Variants in GNAT3 observed in about 807,000 individuals in gnomAD.
GNAT3 encodes the protein G protein subunit alpha transducin 3, also known as guanine nucleotide-binding protein G(t) subunit alpha-3.
In GNAT3, 31 loss-of-function variants were observed where a neutral mutation model predicts 37.7. The ratio of observed to expected loss-of-function variants is 0.82; its 90% CI spans 0.62 to 1.11. GNAT3 has a LOEUF of 1.11. GNAT3 is among the 50% of genes most tolerant of loss of function. The pLI is 0.00. For missense variants in GNAT3, 437 were observed against 412.5 expected (o/e 1.06, Z -0.51); for synonymous variants, 138 against 139.8 (o/e 0.99, Z 0.09).
At chr7:80,459,756 C>T (rs1034148741) in intron 7 of GNAT3, among the ~76,000 whole-genome samples, 1 of 152,162 alleles carries the variant, frequency 6.6e-6, no homozygotes, top group African/African-American at 2.4e-5. Context: ...TTGTTTCCTA[C>T]TTTATTGTAA....
rs556031517 is a variant in GNAT3 at position 80,511,894 on chromosome 7, C to T, written c.33G>A (p.Glu11=). MGSGISSESK[E]SAKRSKELEK... The stretch of plus-strand genomic sequence containing the variant: ...CCAGTTCTTTTGATCTTTTGGCTGA[C>T]TCCTTGCTCTCTGAACTAATTCCAC... Residue 11 remains glutamate (E), a synonymous_variant, in exon 1 of 8, where the codon GAG becomes GAA. Coordinates refer to ENST00000398291, the MANE Select transcript of GNAT3 (RefSeq NM_001102386.3). 7 of 1,611,754 alleles carry T rather than the reference C, an allele frequency of 4.3e-6. No homozygotes were observed. Among genetic ancestry groups the T allele is most frequent in the East Asian group, 4.5e-5 (2 of 44,830 alleles).
In GNAT3 at chr7:80,487,196, A is replaced by G. The variant is rs149673086; in HGVS notation, c.303+1339T>C. Among the ~76,000 whole-genome samples, 471 of 152,244 alleles carry G rather than the reference A, an allele frequency of 3.1e-3. 2 individuals carry two copies. The highest frequency in any genetic ancestry group is 0.011 in the African/African-American group (448 of 41,550). On this transcript the variant is annotated intron_variant, in intron 3 of 7. Coordinates refer to ENST00000398291, the MANE Select transcript of GNAT3 (RefSeq NM_001102386.3). The stretch of plus-strand genomic sequence containing the variant: ...AGCCAATTTAAAATCCTACGTTCTT[A>G]GGAAAAGCCAAGGTCAGATCCATAA...
intron 2 of GNAT3, 21 bp from the exon 3 acceptor site, chr7:80,488,697 G>A: frequency 6.5e-7 from 1 of 1,528,980 alleles, no homozygotes; most frequent in Non-Finnish European, 8.9e-7. Flanking sequence ...AACATGAAAA[G>A]TTTCTGTGAG....
At position 80,475,437 on chromosome 7, in the gene GNAT3, C is replaced by G. The variant is rs566031769; in HGVS notation, c.462-1058G>C. Among the ~76,000 whole-genome samples the G allele has an allele frequency of 6.0e-5, 9 of 150,258 alleles. No individual in the cohort carries two copies. The East Asian group carries it at 1.8e-3, about 30-fold the overall frequency. ...ACTGGTCTAGACTTTTGATACTAAG[C>G]TTTTAGTGGCTTAGCAATATCACTA... On this transcript the variant is annotated intron_variant, in intron 4 of 7. Coordinates refer to ENST00000398291, the MANE Select transcript of GNAT3 (RefSeq NM_001102386.3).
intron 5 of GNAT3, 23 bp from the exon 6 acceptor site, chr7:80,462,654 T>C: frequency 6.3e-7 from 1 of 1,597,872 alleles, no homozygotes; most frequent in East Asian, 2.2e-5. Flanking sequence ...ATCAAATGAA[T>C]AATAAATCTT....
intron 4 of GNAT3, 47 bp from the exon 5 acceptor site, chr7:80,474,426 AATAC>A (rs1790271452): frequency 4.9e-6 from 4 of 823,234 alleles, no homozygotes; most frequent in Admixed American, 2.5e-5. Flanking sequence ...ATAATACATA[AATAC>A]ATACATATAT....
chr7:80,500,217 A>T (rs1790807750), intron 1 of GNAT3, among the ~76,000 whole-genome samples: 1 of 142,684 alleles, frequency 7.0e-6, no homozygotes, highest in South Asian at 2.1e-4. Flanking sequence ...AAAGACCATG[A>T]TTAGTTTGCC....
intron 1 of GNAT3, among the ~76,000 whole-genome samples, chr7:80,507,826 A>C (rs2116234388): frequency 6.6e-6 from 1 of 152,178 alleles, no homozygotes; most frequent in South Asian, 2.1e-4. Flanking sequence ...CATACCTTCC[A>C]GAATATCCAT....
intron 1 of GNAT3, among the ~76,000 whole-genome samples, chr7:80,495,264 AC>A (rs1295531136): frequency 2.0e-5 from 3 of 152,130 alleles, no homozygotes; most frequent in African/African-American, 7.2e-5. Context: ...GGATGGCTGG[AC>A]CAAATGGTAG....
chr7:80,481,139 T>C (rs1790385665), intron 3 of GNAT3, among the ~76,000 whole-genome samples: 1 of 152,154 alleles, frequency 6.6e-6, no homozygotes, highest in Non-Finnish European at 1.5e-5. Context: ...AAAGAGACAC[T>C]GGTAAGGGTA....
rs571120313 is a variant in GNAT3 at position 80,478,934 on chromosome 7, A to G, written c.368T>C (p.Leu123Pro). 6.2e-7 allele frequency: 1 copy of G among 1,612,732 alleles called. No individual in the cohort carries two copies. The highest frequency in any genetic ancestry group is 1.7e-5 in the Admixed American group (1 of 59,912). Residue 123 changes from leucine to proline, a missense_variant, in exon 4 of 8, where the codon CTG becomes CCG. Coordinates refer to ENST00000398291, the MANE Select transcript of GNAT3 (RefSeq NM_001102386.3). ...TLEDGGMTPQ[L>P]AEVIKRLWRD... ...CCACAGCCGTTTTATTACCTCAGCC[A>G]GTTGAGGTGTCATGCCACCATCTTC...
chr7:80,480,201 A>C (rs917941637), intron 3 of GNAT3, among the ~76,000 whole-genome samples: 3 of 152,306 alleles, frequency 2.0e-5, no homozygotes, highest in Middle Eastern at 3.4e-3. Flanking sequence ...TCTAAAACTG[A>C]TATCTTTTTT....
rs1270349881 is a variant in GNAT3 at position 80,511,857 on chromosome 7, G to GA, written c.69dup (p.Gln24SerfsTer5). The stretch of plus-strand genomic sequence containing the variant: ...CTTGCATCTCGCTCAGCATCCTCCT[G>GA]AAGCTTTTTCTCCAGTTCTTTTGAT... On this transcript the variant is annotated frameshift_variant, in exon 1 of 8. Transcript: ENST00000398291. LOFTEE classifies it high-confidence loss of function. 1.2e-6 allele frequency: 2 copies of GA among 1,612,306 alleles called. No individual in the cohort carries two copies. Among genetic ancestry groups the GA allele is most frequent in the South Asian group, 2.2e-5 (2 of 90,876 alleles).
In GNAT3 at chr7:80,470,862, G is replaced by A. The variant is rs1002222418; in HGVS notation, c.590+3389C>T. On this transcript the variant is annotated intron_variant, in intron 5 of 7. Coordinates refer to ENST00000398291, the MANE Select transcript of GNAT3 (RefSeq NM_001102386.3). ...CAAATGTTATATTCTACTCTGTGAT[G>A]GTTAATACTGGGTGTCAACTTGACT... is the stretch of plus-strand genomic sequence containing the variant. Among the ~76,000 whole-genome samples, 3 of 151,620 alleles carry A rather than the reference G, an allele frequency of 2.0e-5. No individual in the cohort carries two copies. In the East Asian group the frequency reaches 6.0e-4, roughly 30 times the overall value.
intron 1 of GNAT3, among the ~76,000 whole-genome samples, chr7:80,506,364 T>C (rs905033794): frequency 5.9e-5 from 9 of 152,170 alleles, no homozygotes; most frequent in Non-Finnish European, 1.3e-4. Context: ...CGAGCCTGCT[T>C]TTAAGATGTG....
At chr7:80,502,938 A>G (rs997529967) in intron 1 of GNAT3, among the ~76,000 whole-genome samples, 2 of 152,148 alleles carry the variant, frequency 1.3e-5, no homozygotes, top group Non-Finnish European at 2.9e-5. Flanking sequence ...TTTCTGCATT[A>G]ATTCAGAATT....
chr7:80,460,219 A>G (rs537260154), intron 7 of GNAT3, among the ~76,000 whole-genome samples: 2 of 152,350 alleles, frequency 1.3e-5, no homozygotes, highest in South Asian at 4.1e-4. Context: ...GAAGACAGTA[A>G]GAAAATGCTA....
intron 4 of GNAT3, among the ~76,000 whole-genome samples, chr7:80,477,934 A>C (rs912361243): frequency 6.6e-6 from 1 of 152,208 alleles, no homozygotes; most frequent in Non-Finnish European, 1.5e-5. Context: ...ATTTGGTGAC[A>C]GGGTCTTGCT....
At chr7:80,503,857 T>C (rs987637417) in intron 1 of GNAT3, among the ~76,000 whole-genome samples, 1 of 152,198 alleles carries the variant, frequency 6.6e-6, no homozygotes, top group Admixed American at 6.5e-5. Flanking sequence ...AGTTCTGTTA[T>C]GAGGTCCTCA....
Sources: gnomAD v4.1 joint callset for allele counts (sites outside exome capture counted in the v4.1 genomes callset) on GRCh38, gnomAD v4.1.1 for gene constraint, MANE v1.5 for transcripts, NCBI Gene and HGNC (gene_info 2026-07-23, HGNC 2026-07-21) for gene names.